The following FAM135B variants were observed in gnomAD, a reference collection of about 807,000 sequenced individuals.
FAM135B encodes the protein protein FAM135B.
A neutral mutation model predicts 127.7 loss-of-function variants in FAM135B; 43 were observed. The ratio of observed to expected loss-of-function variants is 0.34; its 90% CI spans 0.26 to 0.43. The LOEUF (loss-of-function observed/expected upper bound fraction) is 0.43, where lower values mean the gene tolerates loss of function less well. Among genes scored for constraint, FAM135B ranks in the 20% least tolerant of loss-of-function variants. FAM135B has a pLI of 1.00. For synonymous variants in FAM135B, 670 were observed against 665.1 expected, an observed-to-expected ratio of 1.01 and a Z score of -0.11; for missense variants, 1,558 against 1,725.6, an observed-to-expected ratio of 0.90 and a Z score of 1.72.
At chr8:138,321,066 C>T (rs918488819) in intron 2 of FAM135B, among the ~76,000 whole-genome samples, 4 of 152,110 alleles carry the variant, frequency 2.6e-5, no homozygotes, top group African/African-American at 9.7e-5. Context: ...AGTCTGAACA[C>T]CCAGGTCCGC....
chr8:138,175,719 C>CTAGTCA (rs11281017), intron 11 of FAM135B, among the ~76,000 whole-genome samples: 89,651 of 151,530 alleles, frequency 0.59, 27,116 homozygotes, highest in East Asian at 0.98. Flanking sequence ...TATGAGATTA[C>CTAGTCA]TACCCCATTT....
At chr8:138,305,297 CTGTT>C (rs1440984425) in intron 3 of FAM135B, among the ~76,000 whole-genome samples, 1 of 152,172 alleles carries the variant, frequency 6.6e-6, no homozygotes, top group Non-Finnish European at 1.5e-5. Context: ...TAGTAGATGC[CTGTT>C]TTGTGCCTAA....
chr8:138,363,693 G>A (rs1220049014), intron 2 of FAM135B, among the ~76,000 whole-genome samples: 2 of 152,214 alleles, frequency 1.3e-5, no homozygotes, highest in South Asian at 2.1e-4. Context: ...GAATATAAAT[G>A]TGGTAGAAGC....
chr8:138,483,072 T>G (rs762284214), intron 1 of FAM135B, among the ~76,000 whole-genome samples: 1 of 151,400 alleles, frequency 6.6e-6, no homozygotes, highest in Non-Finnish European at 1.5e-5. Context: ...TCAGGAACAA[T>G]CAATTTAAAA....
intron 12 of FAM135B, among the ~76,000 whole-genome samples, chr8:138,157,636 A>T (rs1213678185): frequency 1.2e-4 from 19 of 152,342 alleles, no homozygotes; most frequent in Middle Eastern, 3.4e-3. Flanking sequence ...AATCACAAAC[A>T]TTCCTACACA....
At chr8:138,214,913 C>T in intron 7 of FAM135B, among the ~76,000 whole-genome samples, 1 of 152,050 alleles carries the variant, frequency 6.6e-6, no homozygotes, top group Non-Finnish European at 1.5e-5. Flanking sequence ...TGTGCACTGT[C>T]TGGATAAGAA....
chr8:138,278,312 G>A (rs1823988648), intron 3 of FAM135B, among the ~76,000 whole-genome samples: 1 of 151,228 alleles, frequency 6.6e-6, no homozygotes, highest in Non-Finnish European at 1.5e-5. Flanking sequence ...TTGTGTCTGA[G>A]AAAATTCTAC....
intron 6 of FAM135B, among the ~76,000 whole-genome samples, chr8:138,246,447 T>C (rs970108539): frequency 2.6e-5 from 4 of 152,190 alleles, no homozygotes; most frequent in Admixed American, 1.3e-4. Context: ...GGGGCCAAGG[T>C]ATAGCTCAGC....
At chr8:138,478,265 G>A (rs756575359) in intron 1 of FAM135B, among the ~76,000 whole-genome samples, 23 of 151,960 alleles carry the variant, frequency 1.5e-4, no homozygotes, top group Admixed American at 1.2e-3. Flanking sequence ...GTTAACAAGC[G>A]CCCCTGAAAA....
chr8:138,345,166 T>C (rs1479637848), intron 2 of FAM135B, among the ~76,000 whole-genome samples: 2 of 152,170 alleles, frequency 1.3e-5, no homozygotes, highest in Non-Finnish European at 2.9e-5. Flanking sequence ...TGGCTGAGCC[T>C]CATTCTGTGC....
At chr8:138,456,787 G>T (rs560751549) in intron 1 of FAM135B, among the ~76,000 whole-genome samples, 161 of 152,222 alleles carry the variant, frequency 1.1e-3, no homozygotes, top group South Asian at 3.5e-3. Context: ...CATTCATATT[G>T]TAAGGGAAAG....
chr8:138,343,348 C>T (rs1423945151), intron 2 of FAM135B, among the ~76,000 whole-genome samples: 4 of 152,190 alleles, frequency 2.6e-5, no homozygotes, highest in Non-Finnish European at 5.9e-5. Flanking sequence ...AACAGCCAAA[C>T]CCAGGCAAAG....
chr8:138,308,919 A>G, intron 3 of FAM135B: 1 of 411,482 alleles, frequency 2.4e-6, no homozygotes, highest in South Asian at 1.8e-5. Flanking sequence ...CGAGGCTTTT[A>G]CCTTGACCCT....
intron 1 of FAM135B, among the ~76,000 whole-genome samples, chr8:138,426,494 CATATGTATACTAT>C (rs1157638997): frequency 5.3e-5 from 8 of 150,752 alleles, no homozygotes; most frequent in Non-Finnish European, 8.9e-5. Flanking sequence ...ACTATATACA[CATATGTATACTAT>C]ATATGTATAA....
At chr8:138,277,864 A>G (rs1823953138) in intron 3 of FAM135B, among the ~76,000 whole-genome samples, 1 of 152,224 alleles carries the variant, frequency 6.6e-6, no homozygotes, top group African/African-American at 2.4e-5. Context: ...TCCATTCATC[A>G]GAAATACTGA....
intron 4 of FAM135B, among the ~76,000 whole-genome samples, chr8:138,265,310 C>T (rs1334837331): frequency 1.3e-5 from 2 of 152,112 alleles, no homozygotes; most frequent in Non-Finnish European, 2.9e-5. Flanking sequence ...AGGTAGAGTT[C>T]CTGCTGCCTT....
rs55837421 is a variant in FAM135B at position 138,242,165 on chromosome 8, TTGTGTGTGTGTGTGTG to T, written c.669+761_669+776del. On this transcript the variant is annotated intron_variant, in intron 7 of 19. Coordinates refer to ENST00000395297, the MANE Select transcript of FAM135B (RefSeq NM_015912.4). This position sits in a 1 kb window ranked among gnomAD's most constrained non-coding sequence, Gnocchi z 9.6. Reference sequence around the variant, plus strand: ...AGTCAATTACTTATGATAAATCTCTTTGTGTGTGTGTGTGTGTGTGTGTGTGTGTGTGTGTGTGTGT... The same window carrying T: ...AGTCAATTACTTATGATAAATCTCTTTGTGTGTGTGTGTGTGTGTGTGTGT... Among the ~76,000 whole-genome samples the T allele has an allele frequency of 5.1e-3, 666 of 130,070 alleles. 2 individuals carry two copies. The highest frequency in any genetic ancestry group is 0.013 in the African/African-American group (455 of 34,112). The allele number at this position is 130,070 out of a possible 152,430, so 85.3% of individuals were successfully genotyped here. A position where few individuals can be genotyped will look rare whatever the true frequency, so the allele number is the denominator to read the frequency against.
intron 2 of FAM135B, among the ~76,000 whole-genome samples, chr8:138,346,488 T>C (rs1234652258): frequency 6.6e-6 from 1 of 152,120 alleles, no homozygotes; most frequent in Non-Finnish European, 1.5e-5. Flanking sequence ...TATGCAGCCA[T>C]AAAAAGGAAG....
chr8:138,208,144 T>C (rs1014931497), intron 7 of FAM135B, among the ~76,000 whole-genome samples: 2 of 152,114 alleles, frequency 1.3e-5, no homozygotes, highest in Admixed American at 6.5e-5. Context: ...TCACCCAGGG[T>C]GCTCAGGAAT....
Sources: allele counts gnomAD v4.1 joint callset (sites outside exome capture counted in the v4.1 genomes callset), GRCh38; gene constraint gnomAD v4.1.1; non-coding constraint Gnocchi (gnomAD v3.1); transcripts MANE v1.5; gene names NCBI Gene and HGNC (gene_info 2026-07-23, HGNC 2026-07-21).